C19orf25: variants seen among roughly 807,000 people sequenced by gnomAD.
C19orf25 encodes chromosome 19 open reading frame 25.
In C19orf25, 1 loss-of-function variant was observed where a neutral mutation model predicts 3.1. The ratio of observed to expected loss-of-function variants is 0.32; its 90% CI spans 0.12 to 1.54. The LOEUF is 1.54. Among genes scored for constraint, C19orf25 ranks in the 40% most tolerant of loss-of-function variants. The probability of loss-of-function intolerance (pLI) is 0.38; values close to 1 mark genes in which losing one functional copy is unlikely to be tolerated. For missense variants in C19orf25, 196 were observed against 160.4 expected (o/e 1.22, Z -1.20); for synonymous variants, 91 against 74.3 (o/e 1.23, Z -1.16).
rs1045475441 is a variant in C19orf25 at position 1,479,191 on chromosome 19, C to G, written c.-31G>C. On this transcript the variant is annotated 5_prime_UTR_variant, in exon 1 of 3. Transcript: ENST00000585675. ...GGCGCGGGACCCGAAAGCCCAGCGT[C>G]GACGACGCAGCCACTTCCGATTCCG... is the stretch of plus-strand genomic sequence containing the variant. The G allele has an allele frequency of 3.9e-6, 5 of 1,265,916 alleles. No homozygotes were observed. The African/African-American group carries it at 4.7e-5, about 12-fold the overall frequency. 78.4% of individuals were successfully genotyped at this position (1,265,916 alleles called of 1,614,324 possible).
rs944956328 is a variant in C19orf25 at position 1,474,739 on chromosome 19, G to A, written c.*293C>T. ...TCCCAGGGGCCCCACTGCAGAGCAC[G>A]GCCACTGTGAGCTGACGACAGAATC... On this transcript the variant is annotated 3_prime_UTR_variant, in exon 3 of 3. Transcript: ENST00000585675. 38 of 1,394,118 alleles carry A rather than the reference G, an allele frequency of 2.7e-5. No individual in the cohort carries two copies. The highest frequency in any genetic ancestry group is 2.2e-4 in the Middle Eastern group (1 of 4,568). 86.4% of individuals were successfully genotyped at this position (1,394,118 alleles called of 1,614,324 possible). A position where few individuals can be genotyped will look rare whatever the true frequency, so the allele number is the denominator to read the frequency against.
chr19:1,478,899 C>A lies in C19orf25; in HGVS notation c.5G>T (p.Gly2Val). The A allele has an allele frequency of 6.3e-7, 1 of 1,591,024 alleles. No individual in the cohort carries two copies. The highest frequency in any genetic ancestry group is 1.1e-5 in the South Asian group (1 of 88,472). Residue 2 changes from glycine to valine, a missense_variant, in exon 2 of 3, where the codon GGC (glycine) becomes GTC (valine). Physicochemically the swap from Gly to Val is moderately radical, Grantham distance 109 (BLOSUM62 -3). Transcript: ENST00000585675. ...CAGCACGCGCTTCTTTGCCTTGGAG[C>A]CCATCTCTGAAGGCGGGGAAGGGGG... is the stretch of plus-strand genomic sequence containing the variant. M[G>V]SKAKKRVLLP...
At position 1,478,857 on chromosome 19, in the gene C19orf25, G is replaced by A. The variant is rs375133612; in HGVS notation, c.47C>T (p.Ala16Val). ...KKRVLLPTRP[A>V]PPTVEQILED... is the part of the protein sequence containing the mutation. The stretch of plus-strand genomic sequence containing the variant: ...CAGGATCTGCTCCACCGTGGGGGGC[G>A]CTGGGCGGGTGGGCAGCAGCACGCG... The change falls in exon 2 of 3, where the codon GCG becomes GTG. Residue 16 changes from alanine (A) to valine (V), a missense_variant. Coordinates refer to ENST00000585675, the MANE Select transcript of C19orf25 (RefSeq NM_152482.3). 12 of 1,593,088 alleles carry A rather than the reference G, an allele frequency of 7.5e-6. No individual in the cohort carries two copies. In the African/African-American group the frequency reaches 1.2e-4, roughly 16 times the overall value.
rs187234590 is a variant in C19orf25 at position 1,474,965 on chromosome 19, G to A, written c.*67C>T. ...CCGTGAATGCCAGTCTGGGGCCGAC[G>A]GACCCCCAGGGAAAGCCTGGGTGCA... On this transcript the variant is annotated 3_prime_UTR_variant, in exon 3 of 3. Coordinates refer to ENST00000585675, the MANE Select transcript of C19orf25 (RefSeq NM_152482.3). 9.8e-5 allele frequency: 150 copies of A among 1,531,928 alleles called. 1 individual carries two copies. In the East Asian group the frequency reaches 3.2e-3, roughly 33 times the overall value. The allele number at this position is 1,531,928 out of a possible 1,614,324, so 94.9% of individuals were successfully genotyped here.
chr19:1,475,120 A>G lies in C19orf25; in HGVS notation c.269T>C (p.Leu90Pro). 6.2e-7 allele frequency: 1 copy of G among 1,603,302 alleles called. No homozygotes were observed. Among genetic ancestry groups the G allele is most frequent in the Non-Finnish European group, 8.5e-7 (1 of 1,176,008 alleles). The change falls in exon 3 of 3, where the codon CTG becomes CCG. Residue 90 changes from leucine to proline, a missense_variant. Leu to Pro is a moderately conservative substitution (Grantham distance 98). Coordinates refer to ENST00000585675, the MANE Select transcript of C19orf25 (RefSeq NM_152482.3). The stretch of plus-strand genomic sequence containing the variant: ...CTCCAGGTCCTCGCCGGCTCGCTGC[A>G]GGAGCTCACACCTCTGCCTCAGCAC... ...GNVLRQRCELLQRAGEDLERE... is the reference protein window; with the variant it reads ...GNVLRQRCELPQRAGEDLERE...
chr19:1,478,937 C>T (rs2084235719), intron 1 of C19orf25, 32 bp from the exon 2 acceptor site: 2 of 1,560,656 alleles, frequency 1.3e-6, no homozygotes. Flanking sequence ...CTGACCGGGG[C>T]GTCCACCTCT....
chr19:1,475,119 C>CA lies in C19orf25; in HGVS notation c.269dup (p.Gln91AlafsTer68). On this transcript the variant is annotated frameshift_variant, in exon 3 of 3. Coordinates refer to ENST00000585675, the MANE Select transcript of C19orf25 (RefSeq NM_152482.3). LOFTEE classifies it low-confidence loss of function (END_TRUNC). Reference sequence around the variant, plus strand: ...GCTCCAGGTCCTCGCCGGCTCGCTGCAGGAGCTCACACCTCTGCCTCAGCA... The same window carrying CA: ...GCTCCAGGTCCTCGCCGGCTCGCTGCAAGGAGCTCACACCTCTGCCTCAGCA... 6.2e-7 allele frequency: 1 copy of CA among 1,603,140 alleles called. No homozygotes were observed. Among genetic ancestry groups the CA allele is most frequent in the Non-Finnish European group, 8.5e-7 (1 of 1,175,938 alleles).
intron 2 of C19orf25, chr19:1,475,660 G>C (rs2084198378): frequency 5.2e-6 from 1 of 192,506 alleles, no homozygotes; most frequent in Admixed American, 5.6e-5. Flanking sequence ...CGGTACTCCA[G>C]CCTGGGTGAC....
rs116986254 is a variant in C19orf25 at position 1,478,570 on chromosome 19, G to A, written c.130+204C>T. The stretch of plus-strand genomic sequence containing the variant: ...CTTACAGGCCTGAACCACAGCGCCC[G>A]GCCTCCACCCCTGTCAGAAGAACCC... On this transcript the variant is annotated intron_variant, in intron 2 of 2. Coordinates refer to ENST00000585675, the MANE Select transcript of C19orf25 (RefSeq NM_152482.3). 2,677 of 1,376,254 alleles carry A rather than the reference G, an allele frequency of 1.9e-3. 51 individuals carry two copies. The East Asian group carries it at 0.047, about 24-fold the overall frequency. The allele number at this position is 1,376,254 out of a possible 1,614,324, so 85.3% of individuals were successfully genotyped here.
chr19:1,477,142 G>C lies in C19orf25; in HGVS notation c.130+1632C>G, dbSNP rs566809172. The stretch of plus-strand genomic sequence containing the variant: ...AGCCTCCCAAGTAGCAGGGATTACA[G>C]GCATGCGCCACCATGCCCAGCTAAT... On this transcript the variant is annotated intron_variant, in intron 2 of 2. Coordinates refer to ENST00000585675, the MANE Select transcript of C19orf25 (RefSeq NM_152482.3). 7.2e-5 allele frequency among the ~76,000 whole-genome samples: 11 copies of C among 152,266 alleles called. No homozygotes were observed. The South Asian group carries it at 2.1e-3, about 29-fold the overall frequency.
intron 2 of C19orf25, among the ~76,000 whole-genome samples, chr19:1,478,216 G>A (rs1436065125): frequency 2.0e-5 from 3 of 150,752 alleles, no homozygotes. Context: ...AGAAGCTGGG[G>A]CTACAAGTGT....
chr19:1,474,702 G>T lies in C19orf25; in HGVS notation c.*330C>A. The T allele has an allele frequency of 9.3e-7, 1 of 1,073,042 alleles. No homozygotes were observed. Among genetic ancestry groups the T allele is most frequent in the Non-Finnish European group, 1.3e-6 (1 of 778,568 alleles). The allele number at this position is 1,073,042 out of a possible 1,614,324, so 66.5% of individuals were successfully genotyped here. ...AGTGCCTGCCCCGGGAGAGGAAGGA[G>T]GTGGCACCTGCTCCCAGGGGCCCCA... On this transcript the variant is annotated 3_prime_UTR_variant, in exon 3 of 3. Coordinates refer to ENST00000585675, the MANE Select transcript of C19orf25 (RefSeq NM_152482.3).
In C19orf25 at chr19:1,473,800, T is replaced by G. The variant is rs1052493968; in HGVS notation, c.*1232A>C. 9.8e-5 allele frequency: 15 copies of G among 152,316 alleles called. No individual in the cohort carries two copies. Among genetic ancestry groups the G allele is most frequent in the African/African-American group, 3.6e-4 (15 of 41,432 alleles). 9.4% of individuals were successfully genotyped at this position (152,316 alleles called of 1,614,324 possible). A position where few individuals can be genotyped will look rare whatever the true frequency, so the allele number is the denominator to read the frequency against. On this transcript the variant is annotated 3_prime_UTR_variant, in exon 3 of 3. Transcript: ENST00000585675. Reference sequence around the variant, plus strand: ...GCAGGAGCCGGCCCCCTCCCCACCTTCCACCCTGGGACACTGCCGGGACCT... The same window carrying G: ...GCAGGAGCCGGCCCCCTCCCCACCTGCCACCCTGGGACACTGCCGGGACCT...
rs762199833 is a variant in C19orf25, at chr19:1,473,734, A to T, written c.*1298T>A. The T allele has an allele frequency of 2.0e-5, 3 of 152,578 alleles. No homozygotes were observed. The highest frequency in any genetic ancestry group is 7.2e-5 in the African/African-American group (3 of 41,474). 9.5% of individuals were successfully genotyped at this position (152,578 alleles called of 1,614,324 possible). The stretch of plus-strand genomic sequence containing the variant: ...CCCAGCTGGGGGGACAAGGAAAGCT[A>T]TGACTGCAAGCAGCACAGAAGTGCA... On this transcript the variant is annotated 3_prime_UTR_variant, in exon 3 of 3. Transcript: ENST00000585675.
chr19:1,478,855 G>C lies in C19orf25; in HGVS notation c.49C>G (p.Pro17Ala). The change falls in exon 2 of 3, where the codon CCC (proline) becomes GCC (alanine). Residue 17 changes from proline (P) to alanine (A), a missense_variant. Transcript: ENST00000585675. ...TCCAGGATCTGCTCCACCGTGGGGG[G>C]CGCTGGGCGGGTGGGCAGCAGCACG... ...KRVLLPTRPA[P>A]PTVEQILEDV... The C allele has an allele frequency of 1.9e-6, 3 of 1,594,180 alleles. No homozygotes were observed. Among genetic ancestry groups the C allele is most frequent in the Non-Finnish European group, 2.6e-6 (3 of 1,172,212 alleles).
In C19orf25 at chr19:1,475,150, C is replaced by T; in HGVS notation, c.239G>A (p.Gly80Asp). 6.3e-7 allele frequency: 1 copy of T among 1,589,928 alleles called. No individual in the cohort carries two copies. Among genetic ancestry groups the T allele is most frequent in the Non-Finnish European group, 8.6e-7 (1 of 1,169,556 alleles). Residue 80 changes from glycine (G) to aspartate (D), a missense_variant, in exon 3 of 3, where the codon GGC (glycine) becomes GAC (aspartate). Transcript: ENST00000585675. Reference protein sequence around the residue: ...VAANQRLQQAGNVLRQRCELL... With the variant: ...VAANQRLQQADNVLRQRCELL... ...CTCACACCTCTGCCTCAGCACGTTG[C>T]CCGCCTGCTGCAGCCGCTGGTTGGC... is the stretch of plus-strand genomic sequence containing the variant.
rs1284655286 is a variant in C19orf25 at position 1,473,736 on chromosome 19, G to A, written c.*1296C>T. ...CAGCTGGGGGGACAAGGAAAGCTAT[G>A]ACTGCAAGCAGCACAGAAGTGCAGG... On this transcript the variant is annotated 3_prime_UTR_variant, in exon 3 of 3. Coordinates refer to ENST00000585675, the MANE Select transcript of C19orf25 (RefSeq NM_152482.3). 6.6e-6 allele frequency: 1 copy of A among 152,580 alleles called. No homozygotes were observed. Among genetic ancestry groups the A allele is most frequent in the Non-Finnish European group, 1.5e-5 (1 of 68,312 alleles). The allele number at this position is 152,580 out of a possible 1,614,324, so 9.5% of individuals were successfully genotyped here. A position where few individuals can be genotyped will look rare whatever the true frequency, so the allele number is the denominator to read the frequency against.
At chr19:1,478,470 C>T (rs995734704) in intron 2 of C19orf25, 6 of 665,824 alleles carry the variant, frequency 9.0e-6, no homozygotes, top group African/African-American at 7.5e-5. Flanking sequence ...GACGGGGTTT[C>T]ACCATGTTGG....
chr19:1,476,970 C>A (rs534675656), intron 2 of C19orf25, among the ~76,000 whole-genome samples: 21 of 150,494 alleles, frequency 1.4e-4, no homozygotes, highest in African/African-American at 4.7e-4. Context: ...TTCACAGTTT[C>A]TATCATTCCA....
Sources: allele counts gnomAD v4.1 joint callset (sites outside exome capture counted in the v4.1 genomes callset), GRCh38; gene constraint gnomAD v4.1.1; transcripts MANE v1.5; gene names NCBI Gene and HGNC (gene_info 2026-07-23, HGNC 2026-07-21).